Variants in CCDC197 observed in about 807,000 individuals in gnomAD.
CCDC197 encodes coiled-coil domain containing 197.
Under a neutral mutation model 13.4 loss-of-function variants are expected in CCDC197, and 24 were observed. The observed-to-expected ratio is 1.80, with a 90% CI of 1.30 to 2.53. The LOEUF (loss-of-function observed/expected upper bound fraction) is 2.53, where lower values mean the gene tolerates loss of function less well. Ranked by LOEUF, CCDC197 falls within the 30% of genes most tolerant of loss-of-function variation. CCDC197 has a pLI of 0.00. For synonymous variants in CCDC197, 99 were observed against 55.5 expected, an observed-to-expected ratio of 1.78 and a Z score of -3.48; for missense variants, 255 against 148.8, an observed-to-expected ratio of 1.71 and a Z score of -3.71.
intron 3 of CCDC197, chr14:94,000,859 G>A (rs1277963379): frequency 9.4e-6 from 3 of 318,888 alleles, no homozygotes; most frequent in Non-Finnish European, 1.7e-5. Context: ...ATCTCCTTGA[G>A]GGCAGTCTCC....
At chr14:94,009,952 C>A (rs1461789304), downstream of CCDC197, among the ~76,000 whole-genome samples, 1 of 152,218 alleles carries the variant, frequency 6.6e-6, no homozygotes, top group South Asian at 2.1e-4. Context: ...AAGTTAAGAG[C>A]AGCTGCTGAG....
rs1355245488 is a variant in CCDC197, at chr14:94,001,239, G to A, written c.282G>A (p.Lys94=). The A allele has an allele frequency of 1.3e-6, 1 of 780,914 alleles. No homozygotes were observed. Among genetic ancestry groups the A allele is most frequent in the South Asian group, 1.3e-5 (1 of 74,604 alleles). 48.4% of individuals were successfully genotyped at this position (780,914 alleles called of 1,614,324 possible). ...TCACAGCCAGCCAGGACACGCAGAA[G>A]CGCCTCGAGGCCTTCTGCCAGATGA... is the stretch of plus-strand genomic sequence containing the variant. ...KLFTASQDTQ[K]RLEAFCQMIQ... Residue 94 remains lysine (K), a synonymous_variant, in exon 4 of 7, where the codon AAG becomes AAA. Coordinates refer to ENST00000636493, the MANE Select transcript of CCDC197 (RefSeq NM_001351596.2).
At chr14:93,995,800 C>A (rs778355917), upstream of CCDC197, among the ~76,000 whole-genome samples, 63 of 152,296 alleles carry the variant, frequency 4.1e-4, no homozygotes, top group Admixed American at 7.8e-4. Context: ...TCTTCTGATT[C>A]TGCACCTCCC....
chr14:93,992,991 G>A (rs941937213), upstream of CCDC197, among the ~76,000 whole-genome samples: 6 of 152,174 alleles, frequency 3.9e-5, no homozygotes, highest in African/African-American at 7.2e-5. Context: ...CTGTCTCAAC[G>A]GGGGAGGAGC....
upstream of CCDC197, among the ~76,000 whole-genome samples, chr14:93,993,236 A>C (rs1446408455): frequency 2.0e-5 from 3 of 152,212 alleles, no homozygotes; most frequent in African/African-American, 7.2e-5. Context: ...ACGACGGGTC[A>C]GCTCTGGGCT....
intron 6 of CCDC197, 107 bp from the exon 7 acceptor site, chr14:94,008,502 G>A: frequency 3.1e-6 from 2 of 643,382 alleles, no homozygotes; most frequent in Non-Finnish European, 5.7e-6. Flanking sequence ...GGGCGCTTGT[G>A]AGAGTTAAAG....
chr14:94,000,433 A>G (rs1890460297), intron 3 of CCDC197, among the ~76,000 whole-genome samples: 1 of 152,092 alleles, frequency 6.6e-6, no homozygotes, highest in Non-Finnish European at 1.5e-5. Context: ...AAACTCCAAA[A>G]ACTCTGCCTT....
At chr14:94,011,315 C>A (rs34941998), downstream of CCDC197, among the ~76,000 whole-genome samples, 29,602 of 152,220 alleles carry the variant, frequency 0.19, 3,200 homozygotes, top group East Asian at 0.38. Flanking sequence ...GTGCACCTGT[C>A]GTGCTTGATC....
chr14:93,995,385 GGAAA>G (rs2141343304), upstream of CCDC197, among the ~76,000 whole-genome samples: 1 of 152,266 alleles, frequency 6.6e-6, no homozygotes, highest in South Asian at 2.1e-4. Flanking sequence ...GGGCTGCGAG[GGAAA>G]CAAGGCCCCT....
intron 3 of CCDC197, among the ~76,000 whole-genome samples, chr14:93,999,953 G>T (rs1346041033): frequency 6.6e-6 from 1 of 152,202 alleles, no homozygotes; most frequent in East Asian, 1.9e-4. Flanking sequence ...TGGACTAGAT[G>T]AAGTCATCCT....
At chr14:94,007,823 C>A (rs10134523) in intron 6 of CCDC197, among the ~76,000 whole-genome samples, 55,828 of 152,004 alleles carry the variant, frequency 0.37, 11,565 homozygotes, top group African/African-American at 0.57. Flanking sequence ...CCCCAGGAAC[C>A]CTGAGGGGCA....
intron 1 of CCDC197, among the ~76,000 whole-genome samples, chr14:93,992,167 C>G (rs10140244): frequency 0.38 from 57,074 of 152,046 alleles, 13,706 homozygotes; most frequent in African/African-American, 0.67. Flanking sequence ...CAGGGAAATG[C>G]GGAGATCTGG....
At chr14:93,999,533 C>T (rs1420820060) in intron 2 of CCDC197, 50 bp from the exon 3 acceptor site, 1 of 777,880 alleles carries the variant, frequency 1.3e-6, no homozygotes, top group Non-Finnish European at 2.4e-6. Flanking sequence ...ACAGGGGGTC[C>T]TGCGTGACCT....
intron 1 of CCDC197, among the ~76,000 whole-genome samples, chr14:93,988,626 T>C (rs1352334276): frequency 7.7e-4 from 6 of 7,778 alleles, no homozygotes; most frequent in Non-Finnish European, 1.5e-3. Context: ...GAGGAGGGGT[T>C]GAGAGAGGGG....
upstream of CCDC197, among the ~76,000 whole-genome samples, chr14:93,993,311 C>T (rs933155668): frequency 2.0e-5 from 3 of 152,228 alleles, no homozygotes; most frequent in East Asian, 1.9e-4. Flanking sequence ...TAAAAGTTTC[C>T]GCTTTTCCCT....
At chr14:93,988,784 G>T (rs1442149850) in intron 1 of CCDC197, among the ~76,000 whole-genome samples, 3 of 126,904 alleles carry the variant, frequency 2.4e-5, no homozygotes, top group Non-Finnish European at 5.0e-5. Flanking sequence ...TGGGAGAAGG[G>T]GATGGGAGGA....
upstream of CCDC197, among the ~76,000 whole-genome samples, chr14:93,994,008 G>T (rs1890246592): frequency 6.6e-6 from 1 of 152,072 alleles, no homozygotes; most frequent in Non-Finnish European, 1.5e-5. Context: ...AATTAGGGAA[G>T]GGTGGGGTCT....
chr14:94,005,432 C>T (rs1890654648), intron 6 of CCDC197, among the ~76,000 whole-genome samples: 4 of 152,216 alleles, frequency 2.6e-5, no homozygotes, highest in African/African-American at 9.6e-5. Flanking sequence ...ATTTCAGTGA[C>T]TGAGGGAGCC....
downstream of CCDC197, among the ~76,000 whole-genome samples, chr14:94,011,262 T>C (rs761438730): frequency 7.2e-5 from 11 of 152,216 alleles, no homozygotes; most frequent in Non-Finnish European, 1.3e-4. Flanking sequence ...TGACTGTGCC[T>C]TCGAGGGCTC....
Sources: allele counts gnomAD v4.1 joint callset (sites outside exome capture counted in the v4.1 genomes callset), GRCh38; gene constraint gnomAD v4.1.1; transcripts MANE v1.5; gene names NCBI Gene and HGNC (gene_info 2026-07-23, HGNC 2026-07-21).